MGLL: variants seen among roughly 807,000 people sequenced by gnomAD.
The protein encoded by MGLL is lysophospholipase homolog.
In MGLL, 7 loss-of-function variants were observed where a neutral mutation model predicts 29.1. That is an observed-to-expected ratio of 0.24 (90% CI 0.14 to 0.45). MGLL has a LOEUF of 0.45. MGLL is among the 20% of genes least tolerant of loss of function. MGLL has a pLI of 0.99. For missense variants in MGLL, 356 were observed against 413.6 expected (o/e 0.86, Z 1.21); for synonymous variants, 148 against 168.3 (o/e 0.88, Z 0.93).
At chr3:127,715,095 G>C (rs935104810) in intron 5 of MGLL, among the ~76,000 whole-genome samples, 5 of 152,198 alleles carry the variant, frequency 3.3e-5, no homozygotes. Context: ...GGCAGTGTGT[G>C]TGTCCATGAA....
intron 3 of MGLL, among the ~76,000 whole-genome samples, chr3:127,728,248 A>G (rs1333047373): frequency 2.6e-5 from 4 of 152,084 alleles, no homozygotes; most frequent in African/African-American, 4.8e-5. Context: ...CATTCTAATT[A>G]TTTTCTGTTT....
rs1249957998 is a variant in MGLL at position 127,690,227 on chromosome 3, GCTGA to G, written c.*1967_*1970del. On this transcript the variant is annotated 3_prime_UTR_variant, in exon 8 of 8. Coordinates refer to ENST00000265052, the MANE Select transcript of MGLL (RefSeq NM_007283.7). ...TTCCCATGGCTGCCCTGCTGCCGGG[GCTGA>G]CTAAGCAGGCGGGGCTGGCTTTCTC... 2 of 152,208 alleles carry G rather than the reference GCTGA, an allele frequency of 1.3e-5. No homozygotes were observed. The highest frequency in any genetic ancestry group is 2.9e-5 in the Non-Finnish European group (2 of 68,048). The allele number at this position is 152,208 out of a possible 1,614,324, so 9.4% of individuals were successfully genotyped here.
chr3:127,774,005 G>A (rs918068043), intron 3 of MGLL, among the ~76,000 whole-genome samples: 1 of 152,114 alleles, frequency 6.6e-6, no homozygotes, highest in African/African-American at 2.4e-5. Flanking sequence ...GCAGCCTCAG[G>A]TCGTTCAGAA....
At chr3:127,747,376 C>G (rs1393160859) in intron 3 of MGLL, among the ~76,000 whole-genome samples, 1 of 152,202 alleles carries the variant, frequency 6.6e-6, no homozygotes, top group East Asian at 1.9e-4. Context: ...TCCTGTGTGT[C>G]TAGAGGTCCA....
chr3:127,791,886 C>T (rs1384188731), intron 2 of MGLL, among the ~76,000 whole-genome samples: 2 of 152,160 alleles, frequency 1.3e-5, no homozygotes, highest in Non-Finnish European at 2.9e-5. Flanking sequence ...ACCTGACCAA[C>T]ATGGTGAAAC....
intron 2 of MGLL, among the ~76,000 whole-genome samples, chr3:127,819,117 T>TG (rs2077812603): frequency 6.6e-6 from 1 of 152,178 alleles, no homozygotes; most frequent in South Asian, 2.1e-4. Flanking sequence ...CCGAGGAGGC[T>TG]GGTGTTTATA....
At position 127,760,728 on chromosome 3, in the gene MGLL, C is replaced by T. The variant is rs115102370; in HGVS notation, c.262+21061G>A. 6.7e-3 allele frequency among the ~76,000 whole-genome samples: 1,027 copies of T among 152,324 alleles called. 18 individuals carry two copies. The highest frequency in any genetic ancestry group is 0.022 in the African/African-American group (917 of 41,574). On this transcript the variant is annotated intron_variant, in intron 3 of 7. Coordinates refer to ENST00000265052, the MANE Select transcript of MGLL (RefSeq NM_007283.7). ...GGGGGCGCTGGTCCAATGGAACCTG[C>T]GGCTCTGCACCCCAAAGCATTTTCC...
intron 2 of MGLL, among the ~76,000 whole-genome samples, chr3:127,813,638 C>T (rs939386344): frequency 1.3e-5 from 2 of 152,196 alleles, no homozygotes; most frequent in Non-Finnish European, 2.9e-5. Context: ...CTGAGCCAGT[C>T]CTGTGGCAGC....
In MGLL at chr3:127,761,687, C is replaced by T. The variant is rs558684050; in HGVS notation, c.262+20102G>A. Among the ~76,000 whole-genome samples, 5 of 152,326 alleles carry T rather than the reference C, an allele frequency of 3.3e-5. No individual in the cohort carries two copies. The highest frequency in any genetic ancestry group is 1.9e-4 in the East Asian group (1 of 5,186). On this transcript the variant is annotated intron_variant, in intron 3 of 7. Coordinates refer to ENST00000265052, the MANE Select transcript of MGLL (RefSeq NM_007283.7). This position sits in a 1 kb window ranked among gnomAD's most constrained non-coding sequence, Gnocchi z 4.6. ...GGCACAGAGAGGGCTGGCGCACAGC[C>T]GGCCGTGGGCAGAGCTGGACTGCCA...
intron 3 of MGLL, among the ~76,000 whole-genome samples, chr3:127,756,171 G>C (rs1475093265): frequency 6.6e-6 from 1 of 152,226 alleles, no homozygotes. Flanking sequence ...AAGGGTTGGG[G>C]AGCAGATAGA....
intron 6 of MGLL, among the ~76,000 whole-genome samples, chr3:127,703,599 C>T (rs1388222351): frequency 6.6e-6 from 1 of 152,130 alleles, no homozygotes; most frequent in African/African-American, 2.4e-5. Flanking sequence ...TCACATGGTT[C>T]AGCCAAAACA....
intron 2 of MGLL, among the ~76,000 whole-genome samples, chr3:127,790,726 T>C (rs1350742593): frequency 1.3e-5 from 2 of 152,180 alleles, no homozygotes; most frequent in African/African-American, 4.8e-5. Flanking sequence ...TATTTTCCCG[T>C]TAGCACAGCC....
At chr3:127,820,462 A>G (rs1357887710) in intron 2 of MGLL, among the ~76,000 whole-genome samples, 2 of 152,170 alleles carry the variant, frequency 1.3e-5, no homozygotes, top group East Asian at 3.8e-4. Flanking sequence ...TTAACCAACA[A>G]AGCCCCCCAA....
At chr3:127,749,783 T>C (rs1187279234) in intron 3 of MGLL, among the ~76,000 whole-genome samples, 2 of 152,014 alleles carry the variant, frequency 1.3e-5, no homozygotes, top group East Asian at 3.9e-4. Context: ...ATGTGGTGCG[T>C]GTGTATGTGT....
intron 3 of MGLL, among the ~76,000 whole-genome samples, chr3:127,728,306 TATCC>T (rs35156008): frequency 0.071 from 10,859 of 152,062 alleles, 491 homozygotes; most frequent in Middle Eastern, 0.14. Flanking sequence ...ACTACCTGTT[TATCC>T]ATCCATCCAT....
intron 7 of MGLL, 116 bp from the exon 8 acceptor site, chr3:127,692,439 C>G: frequency 7.4e-7 from 1 of 1,357,542 alleles, no homozygotes; most frequent in Non-Finnish European, 1.0e-6. Context: ...CTCCCTATGC[C>G]CGAGGACCTG....
chr3:127,780,935 A>C (rs906723370), intron 3 of MGLL, among the ~76,000 whole-genome samples: 1 of 152,252 alleles, frequency 6.6e-6, no homozygotes, highest in African/African-American at 2.4e-5. Flanking sequence ...GCAAAGAACT[A>C]AATTGGGAGA....
chr3:127,812,160 T>C (rs2107752293), intron 2 of MGLL, among the ~76,000 whole-genome samples: 1 of 152,364 alleles, frequency 6.6e-6, no homozygotes, highest in South Asian at 2.1e-4. Flanking sequence ...GAAAATTGAC[T>C]GGATGCTCTA....
At position 127,692,129 on chromosome 3, in the gene MGLL, T is replaced by C. The variant is rs1369414192; in HGVS notation, c.*69A>G. 6 of 1,072,222 alleles carry C rather than the reference T, an allele frequency of 5.6e-6. No homozygotes were observed. Among genetic ancestry groups the C allele is most frequent in the Non-Finnish European group, 6.9e-6 (5 of 722,448 alleles). The allele number at this position is 1,072,222 out of a possible 1,614,324, so 66.4% of individuals were successfully genotyped here. ...TTTTTTTTTTTTGGCAAGCCATATC[T>C]GAGAAGCCATCTCTGCCCTTCCCCT... On this transcript the variant is annotated 3_prime_UTR_variant, in exon 8 of 8. Coordinates refer to ENST00000265052, the MANE Select transcript of MGLL (RefSeq NM_007283.7).
Sources: gnomAD v4.1 joint callset for allele counts (sites outside exome capture counted in the v4.1 genomes callset) on GRCh38, gnomAD v4.1.1 for gene constraint, Gnocchi (gnomAD v3.1) non-coding constraint, MANE v1.5 for transcripts, NCBI Gene and HGNC (gene_info 2026-07-23, HGNC 2026-07-21) for gene names.